PTPRD: variants seen among roughly 807,000 people sequenced by gnomAD.
PTPRD encodes receptor-type tyrosine-protein phosphatase delta.
PTPRD carries 34 observed loss-of-function variants against 214.5 expected under a neutral mutation model. The observed-to-expected ratio is 0.16, with a 90% CI of 0.12 to 0.21. The LOEUF is 0.21. PTPRD is among the 10% of genes least tolerant of loss of function. The pLI is 1.00. For missense variants in PTPRD, 2,545 were observed against 2,398.7 expected (o/e 1.06, Z -1.27); for synonymous variants, 1,128 against 845.7 (o/e 1.33, Z -5.79).
At chr9:8,685,418 A>G (rs559249737) in intron 12 of PTPRD, among the ~76,000 whole-genome samples, 260 of 152,318 alleles carry the variant, frequency 1.7e-3, no homozygotes, top group African/African-American at 6.0e-3. Context: ...AGCTTAAAAT[A>G]TACACAGCCA....
intron 35 of PTPRD, among the ~76,000 whole-genome samples, chr9:8,433,251 G>A (rs966806608): frequency 6.6e-6 from 1 of 152,192 alleles, no homozygotes; most frequent in Non-Finnish European, 1.5e-5. Flanking sequence ...AGAGATGTTG[G>A]TGTAATTAAA....
chr9:10,006,914 T>C (rs569372377), intron 4 of PTPRD, among the ~76,000 whole-genome samples: 68 of 151,964 alleles, frequency 4.5e-4, no homozygotes, highest in African/African-American at 1.6e-3. Context: ...TAGTCAAAAT[T>C]TCTTTTAAAA....
chr9:9,923,880 G>A (rs972874376), intron 5 of PTPRD, among the ~76,000 whole-genome samples: 1 of 151,956 alleles, frequency 6.6e-6, no homozygotes, highest in African/African-American at 2.4e-5. Context: ...AAGTCCAACA[G>A]AGAAAAACAA....
At chr9:10,420,342 A>T (rs1418531041) in intron 2 of PTPRD, among the ~76,000 whole-genome samples, 1 of 151,834 alleles carries the variant, frequency 6.6e-6, no homozygotes, top group Non-Finnish European at 1.5e-5. Flanking sequence ...AGGATTTCTC[A>T]GATAATATTG....
intron 11 of PTPRD, among the ~76,000 whole-genome samples, chr9:8,794,391 T>C (rs1482311304): frequency 1.3e-5 from 2 of 152,124 alleles, no homozygotes; most frequent in Admixed American, 1.3e-4. Flanking sequence ...GTAAAATGTG[T>C]AGAAAATCAT....
At chr9:8,658,733 T>C (rs2096966025) in intron 12 of PTPRD, among the ~76,000 whole-genome samples, 1 of 151,966 alleles carries the variant, frequency 6.6e-6, no homozygotes, top group Non-Finnish European at 1.5e-5. Flanking sequence ...CCTTTTTTTG[T>C]ATCTAGATGG....
intron 11 of PTPRD, among the ~76,000 whole-genome samples, chr9:8,822,143 T>C (rs2097081698): frequency 6.6e-6 from 1 of 152,222 alleles, no homozygotes; most frequent in East Asian, 1.9e-4. Context: ...CTCCATTATT[T>C]CATAAATGCA....
intron 5 of PTPRD, among the ~76,000 whole-genome samples, chr9:9,921,051 AG>A (rs890534936): frequency 1.3e-4 from 20 of 152,096 alleles, no homozygotes; most frequent in Non-Finnish European, 2.2e-4. Context: ...CTCCTGGCAA[AG>A]GACAGCCTTT....
At chr9:9,033,454 C>A (rs1298472336) in intron 10 of PTPRD, among the ~76,000 whole-genome samples, 1 of 152,058 alleles carries the variant, frequency 6.6e-6, no homozygotes, top group African/African-American at 2.4e-5. Context: ...GGGAATTCTT[C>A]CAGCTTTATC....
At position 8,373,848 on chromosome 9, in the gene PTPRD, G is replaced by GTATGTA. The variant is rs779430541; in HGVS notation, c.4661+2087_4661+2088insTACATA. Among the ~76,000 whole-genome samples the GTATGTA allele has an allele frequency of 2.7e-3, 310 of 115,350 alleles. 2 individuals are homozygous for GTATGTA. Among genetic ancestry groups the GTATGTA allele is most frequent in the Admixed American group, 4.4e-3 (47 of 10,798 alleles). The allele number at this position is 115,350 out of a possible 152,430, so 75.7% of individuals were successfully genotyped here. ...TGTATGTATGTATGTATGTATGTAT[G>GTATGTA]TGTATGTGTCTGTCTGTCTATCTAT... is the stretch of plus-strand genomic sequence containing the variant. On this transcript the variant is annotated intron_variant, in intron 39 of 45. Coordinates refer to ENST00000381196, the MANE Select transcript of PTPRD (RefSeq NM_002839.4).
At chr9:8,721,017 G>A (rs2098488693) in intron 12 of PTPRD, among the ~76,000 whole-genome samples, 1 of 151,042 alleles carries the variant, frequency 6.6e-6, no homozygotes, top group African/African-American at 2.4e-5. Context: ...GCTCTAGGCA[G>A]GTCATCTACT....
chr9:8,321,526 T>TATAA lies in PTPRD; in HGVS notation c.5535-1561_5535-1560insTTAT, dbSNP rs1327118226. ...ATATATATATATATATATATATATA[T>TATAA]AAAAGGTATATGCATCGCAATTCCT... On this transcript the variant is annotated intron_variant, in intron 44 of 45. Coordinates refer to ENST00000381196, the MANE Select transcript of PTPRD (RefSeq NM_002839.4). 4.1e-3 allele frequency among the ~76,000 whole-genome samples: 469 copies of TATAA among 115,700 alleles called. 7 individuals are homozygous for TATAA. Among genetic ancestry groups the TATAA allele is most frequent in the East Asian group, 8.6e-3 (35 of 4,084 alleles). The allele number at this position is 115,700 out of a possible 152,430, so 75.9% of individuals were successfully genotyped here. A position where few individuals can be genotyped will look rare whatever the true frequency, so the allele number is the denominator to read the frequency against.
chr9:10,431,703 C>T (rs1415811963), intron 2 of PTPRD, among the ~76,000 whole-genome samples: 1 of 152,078 alleles, frequency 6.6e-6, no homozygotes, highest in Non-Finnish European at 1.5e-5. Context: ...CATCACTGGC[C>T]ATCAGAGAAA....
intron 8 of PTPRD, among the ~76,000 whole-genome samples, chr9:9,459,331 T>C (rs75601774): frequency 6.6e-6 from 1 of 152,036 alleles, no homozygotes; most frequent in Non-Finnish European, 1.5e-5. Flanking sequence ...CTATTTAAAA[T>C]AGTAGTGGAA....
chr9:9,972,898 G>C (rs2095192927), intron 4 of PTPRD, among the ~76,000 whole-genome samples: 1 of 152,046 alleles, frequency 6.6e-6, no homozygotes, highest in Non-Finnish European at 1.5e-5. Flanking sequence ...CCCATTGTAA[G>C]ATCCTTAATT....
At chr9:8,794,672 C>A (rs558268657) in intron 11 of PTPRD, among the ~76,000 whole-genome samples, 4 of 152,162 alleles carry the variant, frequency 2.6e-5, no homozygotes, top group East Asian at 1.9e-4. Context: ...AGCAACATAA[C>A]TTCCCCCTAA....
In PTPRD at chr9:9,963,555, C is replaced by T. The variant is rs1278966184; in HGVS notation, c.-471-24945G>A. 4.6e-5 allele frequency among the ~76,000 whole-genome samples: 7 copies of T among 152,090 alleles called. No homozygotes were observed. In the East Asian group the frequency reaches 1.3e-3, roughly 29 times the overall value. ...ATAAATCAAGGAAATACAGTGGCAA[C>T]GTCACTTTACACAAGTATAGAGTTT... On this transcript the variant is annotated intron_variant, in intron 4 of 45. Transcript: ENST00000381196.
At chr9:10,191,490 G>C (rs975308395) in intron 3 of PTPRD, among the ~76,000 whole-genome samples, 1 of 152,068 alleles carries the variant, frequency 6.6e-6, no homozygotes, top group Admixed American at 6.6e-5. Context: ...GAGCTCAGGA[G>C]AAGGGAAAAA....
chr9:9,452,459 G>C (rs538041932), intron 8 of PTPRD, among the ~76,000 whole-genome samples: 21 of 151,202 alleles, frequency 1.4e-4, no homozygotes, highest in Non-Finnish European at 2.2e-4. Flanking sequence ...GAATGTATGG[G>C]TATATCTAAG....
Sources: gnomAD v4.1 joint callset for allele counts (sites outside exome capture counted in the v4.1 genomes callset) on GRCh38, gnomAD v4.1.1 for gene constraint, MANE v1.5 for transcripts, NCBI Gene and HGNC (gene_info 2026-07-23, HGNC 2026-07-21) for gene names.